Variants in SARDH observed in about 807,000 individuals in gnomAD.
SARDH encodes the protein sarcosine dehydrogenase.
Under a neutral mutation model 109.1 loss-of-function variants are expected in SARDH, and 95 were observed. That is an observed-to-expected ratio of 0.87 (90% confidence interval 0.74 to 1.03). The LOEUF is 1.03. Among genes scored for constraint, SARDH ranks in the 50% least tolerant of loss-of-function variants. The pLI is 0.00. For missense variants in SARDH, 1,267 were observed against 1,287.8 expected, an observed-to-expected ratio of 0.98 and a Z score of 0.25; for synonymous variants, 572 against 534.8, an observed-to-expected ratio of 1.07 and a Z score of -0.96.
chr9:133,734,723 G>A (rs558440176), intron 1 of SARDH, among the ~76,000 whole-genome samples: 1 of 152,352 alleles, frequency 6.6e-6, no homozygotes, highest in South Asian at 2.1e-4. Flanking sequence ...AGGATGGGGA[G>A]GGGACTGAGG....
chr9:133,702,814 G>T, intron 13 of SARDH, 102 bp downstream of exon 13: 1 of 980,904 alleles, frequency 1.0e-6, no homozygotes. Context: ...AGAGACTCCT[G>T]GGGGAGGGGA....
intron 16 of SARDH, among the ~76,000 whole-genome samples, chr9:133,689,520 G>C (rs1831016278): frequency 6.6e-6 from 1 of 152,146 alleles, no homozygotes; most frequent in Non-Finnish European, 1.5e-5. Context: ...TGAGCACAAG[G>C]GGGACGCATC....
Position 133,734,000 on chromosome 9 carries a change from G to A in SARDH, c.174C>T (p.Gly58=). The A allele has an allele frequency of 2.5e-6, 4 of 1,612,904 alleles. No individual in the cohort carries two copies. The highest frequency in any genetic ancestry group is 3.4e-6 in the Non-Finnish European group (4 of 1,179,884). Residue 58 remains glycine, a synonymous_variant, in exon 2 of 21, where the codon GGC becomes GGT. Coordinates refer to ENST00000439388, the MANE Select transcript of SARDH (RefSeq NM_001134707.2). The part of the protein sequence containing the change: ...EGQGTSVVAQ[G]PSRPLPSTAN... ...CCGTGCTGGGCAGGGGCCGGCTTGG[G>A]CCTTGGGCCACCACCGAGGTGCCCT...
At chr9:133,669,481 C>T (rs1312293765) in intron 19 of SARDH, among the ~76,000 whole-genome samples, 2 of 151,352 alleles carry the variant, frequency 1.3e-5, no homozygotes, top group African/African-American at 4.9e-5. Context: ...GTGCTTCAGA[C>T]CCCCGTGGGC....
intron 16 of SARDH, among the ~76,000 whole-genome samples, chr9:133,685,488 G>A (rs538116967): frequency 2.0e-5 from 3 of 152,334 alleles, no homozygotes; most frequent in South Asian, 4.1e-4. Flanking sequence ...ACGGGGTAAC[G>A]CTAGGGCTAG....
intron 10 of SARDH, 55 bp from the exon 11 acceptor site, chr9:133,708,483 G>T: frequency 6.4e-7 from 1 of 1,563,414 alleles, no homozygotes; most frequent in Non-Finnish European, 8.6e-7. Context: ...TCAGGGAAGG[G>T]CTAGCCTAGG....
At chr9:133,696,082 G>A (rs1831276887) in intron 14 of SARDH, 141 bp downstream of exon 14, 3 of 961,176 alleles carry the variant, frequency 3.1e-6, no homozygotes, top group Non-Finnish European at 4.7e-6. Flanking sequence ...CCGGACGGGG[G>A]GGAGCTCAAA....
At chr9:133,715,434 G>T (rs546569094) in intron 8 of SARDH, among the ~76,000 whole-genome samples, 2 of 152,270 alleles carry the variant, frequency 1.3e-5, no homozygotes, top group African/African-American at 2.4e-5. Flanking sequence ...CGGGGTGGGG[G>T]CAGTGAGTCA....
rs144724536 is a variant in SARDH at position 133,709,340 on chromosome 9, G to T, written c.1329-912C>A. On this transcript the variant is annotated intron_variant, in intron 10 of 20. Coordinates refer to ENST00000439388, the MANE Select transcript of SARDH (RefSeq NM_001134707.2). This position sits in a 1 kb window ranked among gnomAD's most constrained non-coding sequence, Gnocchi z 4.2. ...CCTGGTCTCCTCAGACCAGCCACCC[G>T]TCCCGAATCCGACAGTGCGGAACTG... is the stretch of plus-strand genomic sequence containing the variant. Among the ~76,000 whole-genome samples, 1 of 152,042 alleles carries T rather than the reference G, an allele frequency of 6.6e-6. No homozygotes were observed. Among genetic ancestry groups the T allele is most frequent in the Non-Finnish European group, 1.5e-5 (1 of 68,012 alleles).
At chr9:133,670,299 G>A (rs2797845) in intron 19 of SARDH, among the ~76,000 whole-genome samples, 82,362 of 148,178 alleles carry the variant, frequency 0.56, 23,380 homozygotes, top group East Asian at 0.78. Flanking sequence ...ACTGCACTCC[G>A]GCCTGGGCAA....
intron 13 of SARDH, among the ~76,000 whole-genome samples, chr9:133,702,492 A>T (rs1246190805): frequency 6.6e-6 from 1 of 152,200 alleles, no homozygotes; most frequent in Admixed American, 6.5e-5. Context: ...GATGCCCAGG[A>T]GCCTGCGGCC....
In SARDH at chr9:133,709,273, G is replaced by A. The variant is rs1372691628; in HGVS notation, c.1329-845C>T. ...TGCACCTGCGGCCTAGGCCTCTGCT[G>A]CCCCTGAGTGGGCAGAGCAATCAGT... is the stretch of plus-strand genomic sequence containing the variant. On this transcript the variant is annotated intron_variant, in intron 10 of 20. Transcript: ENST00000439388. This position sits in a 1 kb window ranked among gnomAD's most constrained non-coding sequence, Gnocchi z 4.2. Among the ~76,000 whole-genome samples the A allele has an allele frequency of 6.6e-6, 1 of 152,172 alleles. No individual in the cohort carries two copies. Among genetic ancestry groups the A allele is most frequent in the Non-Finnish European group, 1.5e-5 (1 of 68,020 alleles).
In SARDH at chr9:133,732,423, C is replaced by T. The variant is rs750210110; in HGVS notation, c.510G>A (p.Ser170=). ...QRLDEYKRLM[S]LGKAYGVESH... The stretch of plus-strand genomic sequence containing the variant: ...TTGCCCCCCGCAGGGGAGCACACAC[C>T]GACATGAGCCTCTTGTACTCGTCCA... Residue 170 remains serine, a splice_region_variant and synonymous_variant, in exon 3 of 21, where the codon TCG becomes TCA. Coordinates refer to ENST00000439388, the MANE Select transcript of SARDH (RefSeq NM_001134707.2). The T allele has an allele frequency of 1.9e-6, 3 of 1,609,482 alleles. No homozygotes were observed. Among genetic ancestry groups the T allele is most frequent in the African/African-American group, 1.3e-5 (1 of 74,286 alleles).
At chr9:133,689,652 G>C (rs533023156) in intron 16 of SARDH, among the ~76,000 whole-genome samples, 4 of 152,126 alleles carry the variant, frequency 2.6e-5, no homozygotes, top group Non-Finnish European at 5.9e-5. Context: ...GGCTACCGTG[G>C]GGATGGGAGA....
chr9:133,722,642 GCTCTCTCTCTCTCTCTCTCT>G (rs56179331), intron 6 of SARDH, among the ~76,000 whole-genome samples: 1 of 145,748 alleles, frequency 6.9e-6, no homozygotes, highest in South Asian at 2.2e-4. Context: ...AACTACTAGC[GCTCTCTCTCTCTCTCTCTCT>G]CTCTCTCTCT....
rs142697521 is a variant in SARDH, at chr9:133,686,670, G to A, written c.2070-1384C>T. Among the ~76,000 whole-genome samples, 9 of 152,128 alleles carry A rather than the reference G, an allele frequency of 5.9e-5. No homozygotes were observed. The East Asian group carries it at 1.4e-3, about 23-fold the overall frequency. On this transcript the variant is annotated intron_variant, in intron 16 of 20. Transcript: ENST00000439388. This position sits in a 1 kb window ranked among gnomAD's most constrained non-coding sequence, Gnocchi z 4.0. ...GGTGAGGCCCCCATTGCTAGGAGACGCCCCCCCACTTCTGTCCCTCTGGGA... is the reference window on the plus strand; with the variant it reads ...GGTGAGGCCCCCATTGCTAGGAGACACCCCCCCACTTCTGTCCCTCTGGGA...
Position 133,704,354 on chromosome 9 carries a change from G to T in SARDH, c.1554+594C>A, listed in dbSNP as rs1024333683. ...ATGCTACCCCTCAGCTGGCCTTAAGGCCTCGCGTCCCCTGCTCCCGAGGGT... is the reference window on the plus strand; with the variant it reads ...ATGCTACCCCTCAGCTGGCCTTAAGTCCTCGCGTCCCCTGCTCCCGAGGGT... On this transcript the variant is annotated intron_variant, in intron 12 of 20. Transcript: ENST00000439388. The surrounding 1 kb of genome is among the most constrained non-coding windows in gnomAD (Gnocchi z 4.5). 2.6e-5 allele frequency among the ~76,000 whole-genome samples: 4 copies of T among 152,138 alleles called. No homozygotes were observed. Among genetic ancestry groups the T allele is most frequent in the African/African-American group, 9.7e-5 (4 of 41,422 alleles).
chr9:133,670,824 G>A (rs1830320810), intron 18 of SARDH, 72 bp from the exon 19 acceptor site: 2 of 1,465,212 alleles, frequency 1.4e-6, no homozygotes, highest in Middle Eastern at 1.9e-4. Context: ...GCATGAGGAT[G>A]CTGCCTAAAC....
intron 13 of SARDH, 29 bp from the exon 14 acceptor site, chr9:133,696,390 C>T (rs1831290406): frequency 1.2e-6 from 2 of 1,613,548 alleles, no homozygotes; most frequent in Non-Finnish European, 1.7e-6. Flanking sequence ...GTGGGAATGC[C>T]ACGGGGGCCT....
Sources: allele counts gnomAD v4.1 joint callset (sites outside exome capture counted in the v4.1 genomes callset), GRCh38; gene constraint gnomAD v4.1.1; non-coding constraint Gnocchi (gnomAD v3.1); transcripts MANE v1.5; gene names NCBI Gene and HGNC (gene_info 2026-07-23, HGNC 2026-07-21).